The following CTNNA3 variants were observed in gnomAD, a reference collection of about 807,000 sequenced individuals.
CTNNA3 encodes the protein catenin alpha 3.
A neutral mutation model predicts 95.7 loss-of-function variants in CTNNA3; 76 were observed. The ratio of observed to expected loss-of-function variants is 0.79; its 90% confidence interval spans 0.66 to 0.96. CTNNA3 has a LOEUF of 0.96. Ranked by LOEUF, CTNNA3 falls within the 40% of genes least tolerant of loss-of-function variation. CTNNA3 has a pLI of 0.00. For missense variants in CTNNA3, 1,191 were observed against 1,089.8 expected, an observed-to-expected ratio of 1.09 and a Z score of -1.31; for synonymous variants, 431 against 374.4, an observed-to-expected ratio of 1.15 and a Z score of -1.74.
chr10:66,912,954 C>T (rs912111862), intron 7 of CTNNA3, among the ~76,000 whole-genome samples: 3 of 148,762 alleles, frequency 2.0e-5, no homozygotes, highest in African/African-American at 7.5e-5. Context: ...GAAATGCGTA[C>T]ATAGGCCGGG....
chr10:66,571,170 A>G (rs754663209), intron 10 of CTNNA3, among the ~76,000 whole-genome samples: 1 of 152,202 alleles, frequency 6.6e-6, no homozygotes, highest in Non-Finnish European at 1.5e-5. Flanking sequence ...AAACAATTTC[A>G]TTATATTTTA....
At chr10:67,330,637 G>A (rs907814888) in intron 5 of CTNNA3, among the ~76,000 whole-genome samples, 7 of 151,970 alleles carry the variant, frequency 4.6e-5, no homozygotes, top group African/African-American at 1.5e-4. Flanking sequence ...GGTGAGTCCT[G>A]CTGCCACCCC....
chr10:66,098,337 T>G (rs1478257664), intron 14 of CTNNA3, among the ~76,000 whole-genome samples: 5 of 152,170 alleles, frequency 3.3e-5, no homozygotes, highest in African/African-American at 1.2e-4. Flanking sequence ...CCAAAAGACC[T>G]GCGATTTGGT....
chr10:66,131,420 C>T (rs919518303), intron 13 of CTNNA3, among the ~76,000 whole-genome samples: 7 of 152,136 alleles, frequency 4.6e-5, no homozygotes, highest in African/African-American at 1.4e-4. Flanking sequence ...ATATGCAGAT[C>T]AATAAATGTG....
chr10:67,728,056 TTATATG>T (rs1242309646), intron 1 of CTNNA3, among the ~76,000 whole-genome samples: 1 of 140,954 alleles, frequency 7.1e-6, no homozygotes, highest in East Asian at 2.0e-4. Flanking sequence ...TTATATATAA[TTATATG>T]TATATTACAT....
At chr10:67,028,709 G>C (rs1853540037) in intron 7 of CTNNA3, among the ~76,000 whole-genome samples, 1 of 149,982 alleles carries the variant, frequency 6.7e-6, no homozygotes, top group Non-Finnish European at 1.5e-5. Context: ...AAACTATTTA[G>C]AACATTTAAA....
At chr10:67,447,234 G>A (rs1481242354) in intron 5 of CTNNA3, among the ~76,000 whole-genome samples, 1 of 152,242 alleles carries the variant, frequency 6.6e-6, no homozygotes, top group African/African-American at 2.4e-5. Context: ...GTGGTGCTGG[G>A]AAGTTGTCTT....
intron 14 of CTNNA3, among the ~76,000 whole-genome samples, chr10:66,080,281 T>G (rs2080703941): frequency 1.3e-5 from 2 of 152,106 alleles, no homozygotes; most frequent in South Asian, 4.1e-4. Flanking sequence ...TACTCCATTA[T>G]AGTAACCCAA....
At chr10:66,865,213 CGTGTGTGTGTGT>C (rs3055786) in intron 7 of CTNNA3, among the ~76,000 whole-genome samples, 3 of 143,928 alleles carry the variant, frequency 2.1e-5, no homozygotes, top group Middle Eastern at 3.5e-3. Flanking sequence ...TGTGTGTGTG[CGTGTGTGTGTGT>C]GTGTGTGTGT....
intron 5 of CTNNA3, among the ~76,000 whole-genome samples, chr10:67,452,128 C>T (rs1264962643): frequency 1.3e-5 from 2 of 151,208 alleles, no homozygotes; most frequent in Non-Finnish European, 2.9e-5. Context: ...AAGGGAAGAT[C>T]ATATAAGCAA....
At chr10:66,231,470 G>T (rs1030532245) in intron 13 of CTNNA3, among the ~76,000 whole-genome samples, 4 of 152,096 alleles carry the variant, frequency 2.6e-5, no homozygotes, top group African/African-American at 9.6e-5. Flanking sequence ...AACATTTCAT[G>T]GGGAAGGGGG....
intron 8 of CTNNA3, among the ~76,000 whole-genome samples, chr10:66,766,892 G>T (rs931857904): frequency 6.6e-6 from 1 of 152,138 alleles, no homozygotes; most frequent in African/African-American, 2.4e-5. Flanking sequence ...TATGCCAGTT[G>T]ATAACAGATT....
chr10:67,726,572 C>T (rs1352123451), intron 1 of CTNNA3, among the ~76,000 whole-genome samples: 20 of 55,256 alleles, frequency 3.6e-4, no homozygotes, highest in Non-Finnish European at 4.6e-4. Flanking sequence ...ATATATATTA[C>T]ATATTATATA....
At chr10:67,294,173 G>A (rs758223239) in intron 5 of CTNNA3, among the ~76,000 whole-genome samples, 2 of 152,032 alleles carry the variant, frequency 1.3e-5, no homozygotes, top group Non-Finnish European at 2.9e-5. Context: ...TTGAGTGTTC[G>A]CACAGTGTTT....
chr10:66,094,655 T>C (rs1404880777), intron 14 of CTNNA3, among the ~76,000 whole-genome samples: 2 of 152,152 alleles, frequency 1.3e-5, no homozygotes, highest in African/African-American at 4.8e-5. Flanking sequence ...ACGATTTCTT[T>C]GGTTAAAGGC....
intron 15 of CTNNA3, among the ~76,000 whole-genome samples, chr10:66,053,475 T>C (rs1278981739): frequency 6.6e-6 from 1 of 152,058 alleles, no homozygotes; most frequent in Non-Finnish European, 1.5e-5. Flanking sequence ...GCATGGGGTA[T>C]CCATCCTTTG....
chr10:66,695,039 A>T (rs957024743), intron 9 of CTNNA3, among the ~76,000 whole-genome samples: 1 of 152,202 alleles, frequency 6.6e-6, no homozygotes, highest in African/African-American at 2.4e-5. Context: ...AAAATATACA[A>T]CTGCTGAAAG....
chr10:67,252,678 T>C (rs1430822725), intron 5 of CTNNA3, among the ~76,000 whole-genome samples: 2 of 152,200 alleles, frequency 1.3e-5, no homozygotes, highest in Non-Finnish European at 2.9e-5. Context: ...ACCGTTAGGC[T>C]ACTATTGCCG....
chr10:66,334,579 G>A (rs1024340543), intron 12 of CTNNA3, among the ~76,000 whole-genome samples: 9 of 152,058 alleles, frequency 5.9e-5, no homozygotes, highest in African/African-American at 2.2e-4. Flanking sequence ...CTTCTGGCTT[G>A]TAGAGTTTCT....
Sources: allele counts gnomAD v4.1 joint callset (sites outside exome capture counted in the v4.1 genomes callset), GRCh38; gene constraint gnomAD v4.1.1; transcripts MANE v1.5; gene names NCBI Gene and HGNC (gene_info 2026-07-23, HGNC 2026-07-21).